PALM2AKAP2: variants seen among roughly 807,000 people sequenced by gnomAD.
PALM2AKAP2 encodes PALM2-AKAP2 fusion protein.
A neutral mutation model predicts 71.5 loss-of-function variants in PALM2AKAP2; 37 were observed. The ratio of observed to expected loss-of-function variants is 0.52; its 90% CI spans 0.40 to 0.68. The LOEUF is 0.68. Ranked by LOEUF, PALM2AKAP2 falls within the 30% of genes least tolerant of loss-of-function variation. The pLI, the probability that PALM2AKAP2 is intolerant of heterozygous loss-of-function variation, is 0.00. For synonymous variants in PALM2AKAP2, 468 were observed against 478.8 expected, an observed-to-expected ratio of 0.98 and a Z score of 0.29; for missense variants, 1,224 against 1,191.8, an observed-to-expected ratio of 1.03 and a Z score of -0.40.
intron 1 of PALM2AKAP2, among the ~76,000 whole-genome samples, chr9:109,724,751 T>C (rs1828452401): frequency 6.6e-6 from 1 of 152,204 alleles, no homozygotes; most frequent in African/African-American, 2.4e-5. Context: ...TACATGCCTA[T>C]GGTTTCAGAG....
At chr9:109,923,480 G>T (rs991896692) in intron 3 of PALM2AKAP2, among the ~76,000 whole-genome samples, 1 of 152,166 alleles carries the variant, frequency 6.6e-6, no homozygotes, top group Non-Finnish European at 1.5e-5. Context: ...GGGAAACATC[G>T]AAACATATTG....
intron 3 of PALM2AKAP2, among the ~76,000 whole-genome samples, chr9:110,164,822 C>T (rs1301437649): frequency 6.6e-6 from 1 of 152,192 alleles, no homozygotes; most frequent in East Asian, 1.9e-4. Context: ...TGAGCCACTG[C>T]ACCCAGCCAC....
At chr9:109,826,232 G>A (rs931064977) in intron 1 of PALM2AKAP2, among the ~76,000 whole-genome samples, 27 of 151,950 alleles carry the variant, frequency 1.8e-4, no homozygotes, top group Non-Finnish European at 3.4e-4. Flanking sequence ...GGGGTAGGGG[G>A]GAGGGATAGC....
intron 2 of PALM2AKAP2, among the ~76,000 whole-genome samples, chr9:109,879,655 C>G (rs184285061): frequency 1.0e-3 from 154 of 151,950 alleles, no homozygotes; most frequent in Middle Eastern, 3.4e-3. Context: ...GCTTTTTATT[C>G]CACTGTACTG....
At chr9:109,845,035 A>G (rs547390189) in intron 1 of PALM2AKAP2, among the ~76,000 whole-genome samples, 11 of 152,164 alleles carry the variant, frequency 7.2e-5, no homozygotes, top group Non-Finnish European at 1.3e-4. Flanking sequence ...GATGCAGTGT[A>G]GCATCCAGAA....
chr9:109,968,748 C>T (rs551910705), intron 6 of PALM2AKAP2, among the ~76,000 whole-genome samples: 2 of 152,266 alleles, frequency 1.3e-5, no homozygotes, highest in South Asian at 4.1e-4. Context: ...ATTTTCAGCG[C>T]GATTTTCAGG....
intron 1 of PALM2AKAP2, among the ~76,000 whole-genome samples, chr9:109,824,489 A>C (rs1828091598): frequency 6.6e-6 from 1 of 152,208 alleles, no homozygotes; most frequent in Admixed American, 6.5e-5. Context: ...CTATCATTTG[A>C]GGAGCTGAGA....
At chr9:109,883,085 G>A (rs149507224) in intron 3 of PALM2AKAP2, among the ~76,000 whole-genome samples, 107 of 152,318 alleles carry the variant, frequency 7.0e-4, no homozygotes, top group Middle Eastern at 3.4e-3. Flanking sequence ...GAGCCATTGC[G>A]TGTGGAGGCT....
chr9:109,938,358 GT>G (rs1266692306), intron 6 of PALM2AKAP2, among the ~76,000 whole-genome samples: 3 of 152,082 alleles, frequency 2.0e-5, no homozygotes, highest in African/African-American at 7.2e-5. Context: ...GTTCGCCTTT[GT>G]TCTCTTTACT....
chr9:109,965,786 T>G (rs1289774440), intron 6 of PALM2AKAP2, among the ~76,000 whole-genome samples: 1 of 152,154 alleles, frequency 6.6e-6, no homozygotes, highest in African/African-American at 2.4e-5. Flanking sequence ...CCATTGAAGA[T>G]ACTCAGGGGG....
At chr9:110,102,611 C>T (rs527454644) in intron 1 of PALM2AKAP2, among the ~76,000 whole-genome samples, 28 of 152,260 alleles carry the variant, frequency 1.8e-4, no homozygotes, top group Non-Finnish European at 3.4e-4. Context: ...CTCCCCTCCC[C>T]TCCCCTCCCC....
At chr9:109,763,404 C>T (rs181212681) in intron 1 of PALM2AKAP2, among the ~76,000 whole-genome samples, 239 of 152,286 alleles carry the variant, frequency 1.6e-3, no homozygotes, top group African/African-American at 5.4e-3. Context: ...CTTTGCAACC[C>T]TAGGTCAAAT....
intron 1 of PALM2AKAP2, among the ~76,000 whole-genome samples, chr9:109,699,624 A>G (rs1828022885): frequency 6.6e-6 from 1 of 152,200 alleles, no homozygotes; most frequent in Non-Finnish European, 1.5e-5. Context: ...AAGCATGACA[A>G]CACAGTAAGA....
At chr9:109,812,525 C>A (rs1827752184) in intron 1 of PALM2AKAP2, among the ~76,000 whole-genome samples, 1 of 152,144 alleles carries the variant, frequency 6.6e-6, no homozygotes, top group Non-Finnish European at 1.5e-5. Flanking sequence ...GCAGAAGAAG[C>A]AAGGCGCGGC....
chr9:109,860,877 G>A (rs115945426), intron 1 of PALM2AKAP2, among the ~76,000 whole-genome samples: 1,692 of 152,290 alleles, frequency 0.011, 41 homozygotes, highest in African/African-American at 0.038. Flanking sequence ...CACTTAAAAG[G>A]TTTGGGGCAA....
intron 1 of PALM2AKAP2, among the ~76,000 whole-genome samples, chr9:110,090,934 C>G (rs1044450509): frequency 8.6e-5 from 13 of 151,136 alleles, no homozygotes; most frequent in African/African-American, 3.2e-4. Flanking sequence ...GAACGGTATA[C>G]ATGCTATGCT....
intron 1 of PALM2AKAP2, among the ~76,000 whole-genome samples, chr9:109,782,867 G>A (rs955988638): frequency 6.6e-6 from 1 of 151,908 alleles, no homozygotes; most frequent in African/African-American, 2.4e-5. Flanking sequence ...TTTATGCTAT[G>A]CTTTGGTCTA....
intron 6 of PALM2AKAP2, among the ~76,000 whole-genome samples, chr9:109,971,281 C>T (rs1232783229): frequency 9.4e-6 from 1 of 106,532 alleles, no homozygotes; most frequent in Non-Finnish European, 1.8e-5. Context: ...CACTCTTAGT[C>T]CCTTTTTTTT....
chr9:110,016,111 T>C (rs1483030144), intron 7 of PALM2AKAP2, 72 bp downstream of exon 7: 4 of 1,466,416 alleles, frequency 2.7e-6, no homozygotes, highest in African/African-American at 2.8e-5. Context: ...CAGGTTTTTC[T>C]GGGGGCAAAA....
Sources: allele counts gnomAD v4.1 joint callset (sites outside exome capture counted in the v4.1 genomes callset), GRCh38; gene constraint gnomAD v4.1.1; transcripts MANE v1.5; gene names NCBI Gene and HGNC (gene_info 2026-07-23, HGNC 2026-07-21).